The following MAN2A1 variants were observed in gnomAD, a reference collection of about 807,000 sequenced individuals.
MAN2A1 encodes mannosidase alpha class 2A member 1.
Under a neutral mutation model 142.6 loss-of-function variants are expected in MAN2A1, and 76 were observed. That is an observed-to-expected ratio of 0.53 (90% CI 0.44 to 0.65). The LOEUF (loss-of-function observed/expected upper bound fraction) is 0.65, where lower values mean the gene tolerates loss of function less well. Ranked by LOEUF, MAN2A1 falls within the 30% of genes least tolerant of loss-of-function variation. MAN2A1 has a pLI of 0.00. For missense variants in MAN2A1, 1,311 were observed against 1,365.1 expected, an observed-to-expected ratio of 0.96 and a Z score of 0.62; for synonymous variants, 559 against 473.2, an observed-to-expected ratio of 1.18 and a Z score of -2.35.
At chr5:109,790,491 T>C (rs1753710620) in intron 12 of MAN2A1, among the ~76,000 whole-genome samples, 1 of 151,960 alleles carries the variant, frequency 6.6e-6, no homozygotes, top group African/African-American at 2.4e-5. Flanking sequence ...ATTTTAGTAA[T>C]ACTAATGTTC....
At chr5:109,796,892 T>G (rs1218912475) in intron 12 of MAN2A1, among the ~76,000 whole-genome samples, 2 of 152,192 alleles carry the variant, frequency 1.3e-5, no homozygotes, top group Non-Finnish European at 2.9e-5. Context: ...GCCATGTCAT[T>G]TATTCCTTAT....
At chr5:109,738,393 A>T (rs1036872919) in intron 4 of MAN2A1, among the ~76,000 whole-genome samples, 1 of 152,112 alleles carries the variant, frequency 6.6e-6, no homozygotes, top group African/African-American at 2.4e-5. Flanking sequence ...TGTAAACTGT[A>T]TGTATCATCA....
At chr5:109,702,914 A>G in intron 1 of MAN2A1, among the ~76,000 whole-genome samples, 1 of 152,208 alleles carries the variant, frequency 6.6e-6, no homozygotes, top group East Asian at 1.9e-4. Flanking sequence ...AAAACTTTAG[A>G]GTCTGTAGTG....
intron 12 of MAN2A1, among the ~76,000 whole-genome samples, chr5:109,790,630 A>G (rs913453069): frequency 1.3e-5 from 2 of 152,008 alleles, no homozygotes; most frequent in African/African-American, 2.4e-5. Flanking sequence ...AAAATAAGTT[A>G]TGTTTTGATG....
intron 4 of MAN2A1, among the ~76,000 whole-genome samples, chr5:109,748,220 C>T (rs1752455837): frequency 6.6e-6 from 1 of 152,150 alleles, no homozygotes. Flanking sequence ...GTATGTGAGA[C>T]TACTTATGTC....
chr5:109,773,302 C>G (rs935708334), intron 7 of MAN2A1, among the ~76,000 whole-genome samples: 1 of 152,202 alleles, frequency 6.6e-6, no homozygotes, highest in Non-Finnish European at 1.5e-5. Context: ...ATGCCATTAA[C>G]GTTTGTGATT....
intron 16 of MAN2A1, among the ~76,000 whole-genome samples, chr5:109,826,741 C>G (rs1208215507): frequency 1.3e-5 from 2 of 152,198 alleles, no homozygotes; most frequent in Non-Finnish European, 2.9e-5. Flanking sequence ...GTATTTGGCT[C>G]TATCAGCGTT....
At chr5:109,795,911 C>G (rs1054366910) in intron 12 of MAN2A1, among the ~76,000 whole-genome samples, 9 of 152,106 alleles carry the variant, frequency 5.9e-5, no homozygotes, top group African/African-American at 2.2e-4. Flanking sequence ...CTTTTCAGTG[C>G]CCATGGTAAT....
Position 109,844,006 on chromosome 5 carries a change from CAT to C in MAN2A1, c.2700+1547_2700+1548del, listed in dbSNP as rs1350995453. On this transcript the variant is annotated intron_variant, in intron 17 of 21. Transcript: ENST00000261483. ...AGTTAAATTTAAACTTTTTCCAAAA[CAT>C]AAAAATTGCAGCATACATTCTGAAT... Among the ~76,000 whole-genome samples, 19 of 152,166 alleles carry C rather than the reference CAT, an allele frequency of 1.2e-4. No homozygotes were observed. The South Asian group carries it at 3.7e-3, about 30-fold the overall frequency.
At chr5:109,696,777 T>G (rs1750824549) in intron 1 of MAN2A1, among the ~76,000 whole-genome samples, 1 of 152,238 alleles carries the variant, frequency 6.6e-6, no homozygotes, top group African/African-American at 2.4e-5. Context: ...TACATGTCGT[T>G]AGCACTTCTG....
At chr5:109,828,272 A>C (rs991766354) in intron 16 of MAN2A1, among the ~76,000 whole-genome samples, 2 of 152,166 alleles carry the variant, frequency 1.3e-5, no homozygotes, top group Non-Finnish European at 2.9e-5. Flanking sequence ...GGGAGGTGGG[A>C]ATTAATTTTT....
At chr5:109,807,803 A>G (rs535148972) in intron 12 of MAN2A1, among the ~76,000 whole-genome samples, 337 of 152,334 alleles carry the variant, frequency 2.2e-3, no homozygotes, top group Admixed American at 3.3e-3. Flanking sequence ...GCTCCCTATC[A>G]TACCTGGAAA....
intron 8 of MAN2A1, among the ~76,000 whole-genome samples, chr5:109,778,877 TC>T (rs778712658): frequency 6.6e-6 from 1 of 152,158 alleles, no homozygotes; most frequent in Non-Finnish European, 1.5e-5. Flanking sequence ...ATAACTGAGT[TC>T]AGATGGCTGA....
At chr5:109,842,647 C>G (rs1357922726) in intron 17 of MAN2A1, among the ~76,000 whole-genome samples, 186 bp downstream of exon 17, 18 of 148,580 alleles carry the variant, frequency 1.2e-4, no homozygotes, top group Admixed American at 1.1e-3. Flanking sequence ...ATTTGGGAGA[C>G]CATTTTTTTA....
At chr5:109,850,358 A>G (rs1193850193) in intron 19 of MAN2A1, among the ~76,000 whole-genome samples, 1 of 152,098 alleles carries the variant, frequency 6.6e-6, no homozygotes, top group South Asian at 2.1e-4. Context: ...TGTTGCCTTC[A>G]TTTTCATTTG....
intron 16 of MAN2A1, among the ~76,000 whole-genome samples, chr5:109,835,978 C>G (rs986580889): frequency 6.6e-6 from 1 of 151,990 alleles, no homozygotes; most frequent in Non-Finnish European, 1.5e-5. Flanking sequence ...AGCTATGACT[C>G]CAGGGTTTCC....
chr5:109,781,073 C>A (rs1455677756), intron 8 of MAN2A1, among the ~76,000 whole-genome samples: 4 of 152,106 alleles, frequency 2.6e-5, no homozygotes, highest in Admixed American at 6.5e-5. Context: ...GTGGATTAAT[C>A]CATGCCCAAA....
chr5:109,790,742 TTTTC>T, intron 12 of MAN2A1, among the ~76,000 whole-genome samples: 3 of 152,198 alleles, frequency 2.0e-5, no homozygotes, highest in African/African-American at 7.2e-5. Context: ...ATCTATTAAC[TTTTC>T]TTTCTTTTTA....
At chr5:109,716,432 T>A (rs1751454908) in intron 3 of MAN2A1, among the ~76,000 whole-genome samples, 168 bp downstream of exon 3, 1 of 152,232 alleles carries the variant, frequency 6.6e-6, no homozygotes, top group Non-Finnish European at 1.5e-5. Context: ...GTGTTCTCAT[T>A]TTATCAGTTT....
Sources: gnomAD v4.1 joint callset for allele counts (sites outside exome capture counted in the v4.1 genomes callset) on GRCh38, gnomAD v4.1.1 for gene constraint, MANE v1.5 for transcripts, NCBI Gene and HGNC (gene_info 2026-07-23, HGNC 2026-07-21) for gene names.